GALNT13: variants seen among roughly 807,000 people sequenced by gnomAD.
GALNT13 encodes UDP-GalNAc:polypeptide N-acetylgalactosaminyltransferase 13.
In GALNT13, 28 loss-of-function variants were observed where a neutral mutation model predicts 64.2. That is an observed-to-expected ratio of 0.44 (90% CI 0.32 to 0.60). The LOEUF is 0.60. Ranked by LOEUF, GALNT13 falls within the 20% of genes least tolerant of loss-of-function variation. The pLI is 0.05. For synonymous variants in GALNT13, 214 were observed against 224.6 expected, an observed-to-expected ratio of 0.95 and a Z score of 0.42; for missense variants, 577 against 669.8, an observed-to-expected ratio of 0.86 and a Z score of 1.53.
chr2:154,321,193 G>T (rs1390845531), intron 9 of GALNT13, among the ~76,000 whole-genome samples: 1 of 152,098 alleles, frequency 6.6e-6, no homozygotes, highest in Non-Finnish European at 1.5e-5. Flanking sequence ...AGACCATGGT[G>T]TTGTAATTCA....
chr2:153,413,998 A>C, the GALNT13 span, among the ~76,000 whole-genome samples: 1 of 152,226 alleles, frequency 6.6e-6, no homozygotes. Context: ...GAATGGAAGA[A>C]AAAATGCCAG....
chr2:153,182,050 T>C, the GALNT13 span, among the ~76,000 whole-genome samples: 500 of 151,648 alleles, frequency 3.3e-3, 2 homozygotes, highest in African/African-American at 2.8e-3. Flanking sequence ...CTTTTCTTTT[T>C]TTTTTCTTTT....
the GALNT13 span, chr2:153,337,835 C>G: frequency 2.6e-5 from 4 of 152,016 alleles, no homozygotes; most frequent in Non-Finnish European, 4.4e-5. Context: ...TCAGAGACCT[C>G]AAATATGGAT....
chr2:154,157,798 C>T lies in GALNT13; in HGVS notation c.311+17293C>T, dbSNP rs1382843844. On this transcript the variant is annotated intron_variant, in intron 4 of 12. Transcript: ENST00000392825. ...ATGATTGCTATGGTGCTATATTTAA[C>T]AGTCAATTTTCAGTTCTCATATTGA... is the stretch of plus-strand genomic sequence containing the variant. Among the ~76,000 whole-genome samples, 4 of 152,158 alleles carry T rather than the reference C, an allele frequency of 2.6e-5. No individual in the cohort carries two copies. In the East Asian group the frequency reaches 7.7e-4, roughly 29 times the overall value.
At chr2:154,343,036 G>A (rs545809963) in intron 9 of GALNT13, among the ~76,000 whole-genome samples, 84 of 152,018 alleles carry the variant, frequency 5.5e-4, no homozygotes, top group African/African-American at 1.8e-3. Flanking sequence ...ACAAAGTCAA[G>A]GATCAGAGAG....
chr2:153,958,226 A>G (rs537515351), intron 3 of GALNT13, among the ~76,000 whole-genome samples: 1 of 151,998 alleles, frequency 6.6e-6, no homozygotes, highest in Non-Finnish European at 1.5e-5. Context: ...CCCCTCCCCA[A>G]CCCACTGAGA....
At chr2:154,410,355 C>G (rs1451247645) in intron 11 of GALNT13, among the ~76,000 whole-genome samples, 1 of 151,804 alleles carries the variant, frequency 6.6e-6, no homozygotes, top group Admixed American at 6.6e-5. Context: ...TGTTTAGGAC[C>G]TCAATGATTT....
intron 3 of GALNT13, among the ~76,000 whole-genome samples, chr2:154,091,197 G>C (rs1701789507): frequency 6.6e-6 from 1 of 152,080 alleles, no homozygotes; most frequent in Middle Eastern, 3.4e-3. Flanking sequence ...CCATTTGGGA[G>C]TGCAGACAAT....
At chr2:153,400,546 A>T in the GALNT13 span, among the ~76,000 whole-genome samples, 3 of 152,108 alleles carry the variant, frequency 2.0e-5, no homozygotes, top group Non-Finnish European at 4.4e-5. Context: ...CTGTGAATCC[A>T]TCTGGTCCTG....
At chr2:153,852,650 T>C in the GALNT13 span, among the ~76,000 whole-genome samples, 2 of 152,330 alleles carry the variant, frequency 1.3e-5, no homozygotes, top group East Asian at 3.9e-4. Context: ...ATCAAGCAAG[T>C]TGGCTTAAAA....
At chr2:154,278,085 A>G (rs755455296) in intron 8 of GALNT13, among the ~76,000 whole-genome samples, 35 of 152,164 alleles carry the variant, frequency 2.3e-4, no homozygotes, top group Non-Finnish European at 3.4e-4. Context: ...ACCAAATTCT[A>G]TATTTACTTT....
the GALNT13 span, among the ~76,000 whole-genome samples, chr2:153,438,574 T>C: frequency 6.6e-6 from 1 of 152,220 alleles, no homozygotes; most frequent in Non-Finnish European, 1.5e-5. Context: ...ATTTCATTCA[T>C]TTCTTCTTCC....
At chr2:154,265,648 A>C (rs1262051460) in intron 8 of GALNT13, among the ~76,000 whole-genome samples, 1 of 152,092 alleles carries the variant, frequency 6.6e-6, no homozygotes, top group African/African-American at 2.4e-5. Flanking sequence ...GCAGTGAGCC[A>C]AGACTGCACC....
intron 9 of GALNT13, among the ~76,000 whole-genome samples, chr2:154,389,111 TTTTTG>T (rs937332637): frequency 5.3e-4 from 80 of 152,334 alleles, no homozygotes; most frequent in African/African-American, 1.9e-3. Flanking sequence ...TTAAGCATTC[TTTTTG>T]TTTTGTTTTG....
chr2:153,919,492 A>C (rs1689610331), intron 2 of GALNT13, among the ~76,000 whole-genome samples: 1 of 152,048 alleles, frequency 6.6e-6, no homozygotes, highest in Admixed American at 6.6e-5. Flanking sequence ...GTTCTTAACA[A>C]TGATGCAGAC....
At chr2:153,988,736 A>G (rs1694972965) in intron 3 of GALNT13, among the ~76,000 whole-genome samples, 1 of 151,920 alleles carries the variant, frequency 6.6e-6, no homozygotes, top group African/African-American at 2.4e-5. Context: ...CCTTGGTGAA[A>G]ATTTAAGAGG....
intron 4 of GALNT13, among the ~76,000 whole-genome samples, chr2:154,178,456 C>T (rs893811338): frequency 1.3e-5 from 2 of 151,424 alleles, no homozygotes; most frequent in African/African-American, 4.9e-5. Flanking sequence ...AGGAGATATA[C>T]CTAATGTTAA....
At chr2:154,010,385 A>G (rs781246570) in intron 3 of GALNT13, among the ~76,000 whole-genome samples, 3 of 152,178 alleles carry the variant, frequency 2.0e-5, no homozygotes, top group Admixed American at 6.5e-5. Context: ...TATGTGATGA[A>G]TCACATTTAT....
the GALNT13 span, among the ~76,000 whole-genome samples, chr2:153,699,373 C>T: frequency 6.6e-6 from 1 of 152,050 alleles, no homozygotes; most frequent in Middle Eastern, 3.4e-3. Flanking sequence ...ACTAAATGCC[C>T]TTATCAGAAG....
Sources: allele counts gnomAD v4.1 joint callset (sites outside exome capture counted in the v4.1 genomes callset), GRCh38; gene constraint gnomAD v4.1.1; transcripts MANE v1.5; gene names NCBI Gene and HGNC (gene_info 2026-07-23, HGNC 2026-07-21).